Variants in SCG5 observed in about 807,000 individuals in gnomAD.
SCG5 encodes the protein neuroendocrine protein 7B2.
Under a neutral mutation model 25.7 loss-of-function variants are expected in SCG5, and 18 were observed. The observed-to-expected ratio is 0.70, with a 90% CI of 0.48 to 1.04. The LOEUF is 1.04. Ranked by LOEUF, SCG5 falls within the 50% of genes least tolerant of loss-of-function variation. SCG5 has a pLI of 0.00. For synonymous variants in SCG5, 101 were observed against 91.7 expected, an observed-to-expected ratio of 1.10 and a Z score of -0.58; for missense variants, 206 against 259.8, an observed-to-expected ratio of 0.79 and a Z score of 1.42.
At chr15:32,690,409 G>A (rs994957299) in intron 4 of SCG5, among the ~76,000 whole-genome samples, 2 of 152,330 alleles carry the variant, frequency 1.3e-5, no homozygotes, top group African/African-American at 4.8e-5. Flanking sequence ...TTCACAGAAA[G>A]GCAACCACAG....
chr15:32,689,604 C>T (rs924691701), intron 4 of SCG5, among the ~76,000 whole-genome samples: 5 of 152,184 alleles, frequency 3.3e-5, no homozygotes, highest in African/African-American at 9.7e-5. Context: ...AAGGAATCAA[C>T]AAGGAATGGG....
intron 2 of SCG5, among the ~76,000 whole-genome samples, chr15:32,659,617 A>G (rs2054183311): frequency 6.6e-6 from 1 of 152,194 alleles, no homozygotes; most frequent in Non-Finnish European, 1.5e-5. Flanking sequence ...GGCTGAGGAA[A>G]CAGCCAGGCC....
intron 2 of SCG5, among the ~76,000 whole-genome samples, chr15:32,660,354 C>A (rs965890933): frequency 6.6e-6 from 1 of 152,202 alleles, no homozygotes; most frequent in Non-Finnish European, 1.5e-5. Context: ...CCACCCAGGC[C>A]ATCTTCTGAC....
At chr15:32,679,973 AATTCTAACATCAGCT>A in intron 3 of SCG5, 58 bp downstream of exon 3, 1 of 1,438,754 alleles carries the variant, frequency 7.0e-7, no homozygotes, top group Non-Finnish European at 9.6e-7. Flanking sequence ...GGAAATCAGA[AATTCTAACATCAGCT>A]ACAAATATTC....
intron 2 of SCG5, among the ~76,000 whole-genome samples, chr15:32,650,440 A>G (rs1017356598): frequency 6.6e-6 from 1 of 152,170 alleles, no homozygotes; most frequent in Non-Finnish European, 1.5e-5. Flanking sequence ...TTAGCAATAC[A>G]GTTCAGATAT....
intron 2 of SCG5, among the ~76,000 whole-genome samples, chr15:32,647,043 G>C (rs1423286847): frequency 6.6e-6 from 1 of 152,152 alleles, no homozygotes; most frequent in Non-Finnish European, 1.5e-5. Flanking sequence ...ACAAACCATT[G>C]TCAGAGACAC....
At chr15:32,682,116 G>A (rs1240144868) in intron 3 of SCG5, among the ~76,000 whole-genome samples, 1 of 152,200 alleles carries the variant, frequency 6.6e-6, no homozygotes, top group Non-Finnish European at 1.5e-5. Flanking sequence ...GTACAGTGCA[G>A]TGGTTCTTAA....
chr15:32,659,181 AAAACAAAC>A (rs923829088), intron 2 of SCG5, among the ~76,000 whole-genome samples: 2 of 151,214 alleles, frequency 1.3e-5, no homozygotes, highest in South Asian at 4.2e-4. Context: ...GTCTCAAAAA[AAAACAAAC>A]AAAAAAAACC....
chr15:32,648,933 G>A (rs1472283804), intron 2 of SCG5, among the ~76,000 whole-genome samples: 11 of 152,166 alleles, frequency 7.2e-5, no homozygotes, highest in African/African-American at 1.7e-4. Flanking sequence ...CACCACGCCC[G>A]GCTAATTTTT....
At chr15:32,688,694 C>T (rs1020172880) in intron 4 of SCG5, among the ~76,000 whole-genome samples, 3 of 152,136 alleles carry the variant, frequency 2.0e-5, no homozygotes, top group Admixed American at 2.0e-4. Flanking sequence ...CACAGTGGCT[C>T]ACACCTGTAA....
chr15:32,651,184 G>C (rs2054026323), intron 2 of SCG5, among the ~76,000 whole-genome samples: 1 of 152,184 alleles, frequency 6.6e-6, no homozygotes, highest in South Asian at 2.1e-4. Flanking sequence ...GGCAACAAGA[G>C]CGAAACTCTG....
intron 4 of SCG5, among the ~76,000 whole-genome samples, chr15:32,688,193 C>G (rs1055303936): frequency 6.6e-6 from 1 of 152,162 alleles, no homozygotes; most frequent in Admixed American, 6.5e-5. Flanking sequence ...TGAGTCCTAC[C>G]GAGGGCTGGC....
At chr15:32,651,770 A>G (rs1240900815) in intron 2 of SCG5, among the ~76,000 whole-genome samples, 1 of 152,218 alleles carries the variant, frequency 6.6e-6, no homozygotes, top group Non-Finnish European at 1.5e-5. Flanking sequence ...ATTCAAAAGA[A>G]ACGGGGAGGT....
chr15:32,674,750 G>A (rs937213351), intron 2 of SCG5, among the ~76,000 whole-genome samples: 1 of 152,168 alleles, frequency 6.6e-6, no homozygotes, highest in Non-Finnish European at 1.5e-5. Context: ...AACCAACCAG[G>A]TCAACTTCCC....
At chr15:32,671,222 G>A (rs1001495809) in intron 2 of SCG5, among the ~76,000 whole-genome samples, 4 of 152,104 alleles carry the variant, frequency 2.6e-5, no homozygotes, top group African/African-American at 9.7e-5. Flanking sequence ...TCTTTCTGTG[G>A]GTCCTCAGTA....
intron 2 of SCG5, among the ~76,000 whole-genome samples, chr15:32,647,509 A>G (rs2053961983): frequency 6.6e-6 from 1 of 152,198 alleles, no homozygotes; most frequent in Non-Finnish European, 1.5e-5. Context: ...ATCCCATTAA[A>G]AAAAACATAT....
intron 2 of SCG5, among the ~76,000 whole-genome samples, chr15:32,646,684 C>G (rs1396073175): frequency 6.6e-6 from 1 of 152,092 alleles, no homozygotes; most frequent in Non-Finnish European, 1.5e-5. Context: ...ATACTTGGGG[C>G]AAAAACAACA....
At chr15:32,677,313 T>C (rs919949891) in intron 2 of SCG5, among the ~76,000 whole-genome samples, 4 of 152,218 alleles carry the variant, frequency 2.6e-5, no homozygotes, top group Admixed American at 6.5e-5. Context: ...ATTGTCCTTT[T>C]AAGGTTAAAC....
At chr15:32,655,658 G>T (rs1159185311) in intron 2 of SCG5, among the ~76,000 whole-genome samples, 2 of 152,014 alleles carry the variant, frequency 1.3e-5, no homozygotes, top group African/African-American at 4.8e-5. Context: ...AGGGTCTTTG[G>T]GGGTGATTAG....
Sources: allele counts gnomAD v4.1 joint callset (sites outside exome capture counted in the v4.1 genomes callset), GRCh38; gene constraint gnomAD v4.1.1; transcripts MANE v1.5; gene names NCBI Gene and HGNC (gene_info 2026-07-23, HGNC 2026-07-21).